CSMD1: variants seen among roughly 807,000 people sequenced by gnomAD.
The protein encoded by CSMD1 is CUB and sushi domain-containing protein 1.
CSMD1 carries 213 observed loss-of-function variants against 417.5 expected under a neutral mutation model. That is an observed-to-expected ratio of 0.51 (90% confidence interval 0.46 to 0.57). The LOEUF (loss-of-function observed/expected upper bound fraction) is 0.57. Ranked by LOEUF, CSMD1 falls within the 20% of genes least tolerant of loss-of-function variation. The pLI is 0.00. For missense variants in CSMD1, 6,923 were observed against 4,529.7 expected, an observed-to-expected ratio of 1.53 and a Z score of -15.17; for synonymous variants, 2,862 against 1,736.8, an observed-to-expected ratio of 1.65 and a Z score of -16.11.
chr8:3,325,691 G>A (rs991326228), intron 23 of CSMD1, among the ~76,000 whole-genome samples: 2 of 152,170 alleles, frequency 1.3e-5, no homozygotes, highest in African/African-American at 4.8e-5. Flanking sequence ...GGGCATGGTG[G>A]CAGGCGCCTA....
chr8:4,416,107 C>T (rs1796922698), intron 3 of CSMD1, among the ~76,000 whole-genome samples: 1 of 152,120 alleles, frequency 6.6e-6, no homozygotes, highest in African/African-American at 2.4e-5. Flanking sequence ...AAAATTGTGT[C>T]CTATCTGTAC....
Position 3,399,297 on chromosome 8 carries a change from A to T in CSMD1, c.2405+94T>A, listed in dbSNP as rs939965059. On this transcript the variant is annotated intron_variant, in intron 16 of 69. Coordinates refer to ENST00000635120, the MANE Select transcript of CSMD1 (RefSeq NM_033225.6). ...GTGCTCCTATGCGGGAACCGAAAAA[A>T]ACTGCCATCTTTTTAAAGTTTAAGA... 3.2e-6 allele frequency: 4 copies of T among 1,242,982 alleles called. No individual in the cohort carries two copies. The East Asian group carries it at 9.8e-5, about 30-fold the overall frequency. 77.0% of individuals were successfully genotyped at this position (1,242,982 alleles called of 1,614,324 possible).
At position 4,295,238 on chromosome 8, in the gene CSMD1, A is replaced by G. The variant is rs574288805; in HGVS notation, c.415+124715T>C. Among the ~76,000 whole-genome samples the G allele has an allele frequency of 8.3e-5, 10 of 121,012 alleles. 1 individual carries two copies. The highest frequency in any genetic ancestry group is 2.5e-4 in the African/African-American group (9 of 35,782). 79.4% of individuals were successfully genotyped at this position (121,012 alleles called of 152,430 possible). The stretch of plus-strand genomic sequence containing the variant: ...TCTATATAATCTTAAGATTATATGC[A>G]CATATAATCTTAAGATTTTCTATAT... On this transcript the variant is annotated intron_variant, in intron 3 of 69. Coordinates refer to ENST00000635120, the MANE Select transcript of CSMD1 (RefSeq NM_033225.6).
intron 7 of CSMD1, among the ~76,000 whole-genome samples, chr8:3,629,513 C>T (rs989984834): frequency 1.3e-5 from 2 of 152,112 alleles, no homozygotes; most frequent in African/African-American, 4.8e-5. Context: ...ATAAAGACAA[C>T]GTTACAGCAA....
intron 3 of CSMD1, among the ~76,000 whole-genome samples, chr8:4,382,494 C>G (rs1803166331): frequency 6.6e-6 from 1 of 152,154 alleles, no homozygotes; most frequent in African/African-American, 2.4e-5. Context: ...ACCACCTAAA[C>G]TCTCTGTTCA....
intron 10 of CSMD1, among the ~76,000 whole-genome samples, chr8:3,532,908 A>G (rs1471980838): frequency 1.3e-5 from 2 of 152,214 alleles, no homozygotes; most frequent in African/African-American, 2.4e-5. Flanking sequence ...AATCATTACT[A>G]AATATAAACC....
chr8:3,954,626 T>C (rs1369807445), intron 5 of CSMD1, among the ~76,000 whole-genome samples: 1 of 152,182 alleles, frequency 6.6e-6, no homozygotes, highest in Non-Finnish European at 1.5e-5. Context: ...CCTCCCAAAG[T>C]TTTGGGATTA....
chr8:3,840,506 G>T (rs539308369), intron 5 of CSMD1, among the ~76,000 whole-genome samples: 7 of 151,888 alleles, frequency 4.6e-5, no homozygotes, highest in Admixed American at 1.3e-4. Flanking sequence ...AAAAAATATA[G>T]GCAAAACAAA....
At chr8:4,328,792 T>C (rs1799701780) in intron 3 of CSMD1, among the ~76,000 whole-genome samples, 1 of 152,204 alleles carries the variant, frequency 6.6e-6, no homozygotes, top group Non-Finnish European at 1.5e-5. Context: ...AGTATTCTCT[T>C]TGAAATAAAC....
chr8:4,384,685 C>T (rs528022617), intron 3 of CSMD1, among the ~76,000 whole-genome samples: 16 of 152,216 alleles, frequency 1.1e-4, no homozygotes, highest in South Asian at 2.1e-4. Context: ...GCAACAGACA[C>T]GAGTGGGCCT....
intron 5 of CSMD1, among the ~76,000 whole-genome samples, chr8:3,979,785 C>T (rs1362163643): frequency 1.3e-5 from 2 of 152,102 alleles, no homozygotes; most frequent in South Asian, 2.1e-4. Context: ...TTTAAGCCAC[C>T]GTCTGTGGTA....
chr8:4,953,627 C>T (rs528615988), intron 1 of CSMD1, among the ~76,000 whole-genome samples: 6 of 152,236 alleles, frequency 3.9e-5, no homozygotes, highest in African/African-American at 1.4e-4. Flanking sequence ...TGGCAATACT[C>T]ATAGAAATAC....
At chr8:4,769,653 G>C (rs901568259) in intron 1 of CSMD1, among the ~76,000 whole-genome samples, 1 of 152,144 alleles carries the variant, frequency 6.6e-6, no homozygotes, top group Non-Finnish European at 1.5e-5. Flanking sequence ...AAAGAAACGG[G>C]AGGCTTGGAA....
chr8:4,377,237 G>C (rs1304387025), intron 3 of CSMD1, among the ~76,000 whole-genome samples: 1 of 152,270 alleles, frequency 6.6e-6, no homozygotes, highest in South Asian at 2.1e-4. Context: ...AATTAACCGA[G>C]ATTAGTAATT....
At chr8:4,668,802 A>C (rs1471055241) in intron 1 of CSMD1, among the ~76,000 whole-genome samples, 1 of 152,114 alleles carries the variant, frequency 6.6e-6, no homozygotes, top group East Asian at 1.9e-4. Flanking sequence ...TGAAGTGCTC[A>C]ACATTCTCCA....
chr8:4,823,784 G>A (rs1031513920), intron 1 of CSMD1, among the ~76,000 whole-genome samples: 6 of 151,774 alleles, frequency 4.0e-5, no homozygotes, highest in Non-Finnish European at 5.9e-5. Context: ...GTGTGCACAA[G>A]TGTCTCATGG....
intron 5 of CSMD1, among the ~76,000 whole-genome samples, chr8:3,798,158 G>C (rs1279131669): frequency 2.0e-5 from 3 of 151,870 alleles, no homozygotes; most frequent in African/African-American, 7.3e-5. Flanking sequence ...ATCATATGTA[G>C]TCTTTTATTA....
intron 4 of CSMD1, among the ~76,000 whole-genome samples, chr8:4,011,878 G>T (rs746019529): frequency 5.3e-5 from 8 of 151,976 alleles, no homozygotes; most frequent in Non-Finnish European, 1.5e-5. Flanking sequence ...CAATGCTCAA[G>T]TCCCTTATAT....
intron 3 of CSMD1, among the ~76,000 whole-genome samples, chr8:4,220,166 G>A (rs564278178): frequency 1.0e-3 from 159 of 152,192 alleles, no homozygotes; most frequent in African/African-American, 3.5e-3. Flanking sequence ...GGCCAAGCTC[G>A]TCTTGAACTC....
Sources: gnomAD v4.1 joint callset for allele counts (sites outside exome capture counted in the v4.1 genomes callset) on GRCh38, gnomAD v4.1.1 for gene constraint, MANE v1.5 for transcripts, NCBI Gene and HGNC (gene_info 2026-07-23, HGNC 2026-07-21) for gene names.